Variants in CDH18 observed in about 807,000 individuals in gnomAD.
CDH18 encodes cadherin 18.
Under a neutral mutation model 67.9 loss-of-function variants are expected in CDH18, and 31 were observed. The ratio of observed to expected loss-of-function variants is 0.46; its 90% confidence interval spans 0.34 to 0.62. The LOEUF is 0.62. Among genes scored for constraint, CDH18 ranks in the 20% least tolerant of loss-of-function variants. The probability of loss-of-function intolerance (pLI) is 0.01; values close to 1 mark genes in which losing one functional copy is unlikely to be tolerated. For synonymous variants in CDH18, 362 were observed against 347.2 expected (o/e 1.04, Z -0.48); for missense variants, 890 against 975.5 (o/e 0.91, Z 1.17).
chr5:20,443,078 C>T (rs1749731356), intron 1 of CDH18, among the ~76,000 whole-genome samples: 2 of 149,022 alleles, frequency 1.3e-5, no homozygotes, highest in Admixed American at 6.6e-5. Context: ...GGCGTAGTGG[C>T]GGGCGCCTGT....
chr5:19,737,620 CT>C (rs1435583249), intron 4 of CDH18, among the ~76,000 whole-genome samples: 2 of 152,144 alleles, frequency 1.3e-5, no homozygotes, highest in African/African-American at 4.8e-5. Flanking sequence ...TTATGCCCCC[CT>C]ACCAATAAAA....
intron 6 of CDH18, among the ~76,000 whole-genome samples, chr5:19,594,230 C>A (rs756985004): frequency 1.4e-4 from 22 of 152,108 alleles, no homozygotes; most frequent in Non-Finnish European, 2.9e-4. Context: ...TGGCTCACTG[C>A]AAGCTCTGCC....
intron 2 of CDH18, among the ~76,000 whole-genome samples, chr5:19,962,389 A>AAAAAAAG (rs977333517): frequency 2.1e-5 from 3 of 145,808 alleles, no homozygotes; most frequent in African/African-American, 7.7e-5. Context: ...AAAAAAAAAA[A>AAAAAAAG]AAAAAAAGAA....
chr5:19,743,741 C>T (rs542668410), intron 4 of CDH18, among the ~76,000 whole-genome samples: 1 of 152,030 alleles, frequency 6.6e-6, no homozygotes, highest in East Asian at 1.9e-4. Context: ...GCCAACATGG[C>T]AAGACCCCGT....
chr5:19,485,491 A>C (rs1740243899), intron 11 of CDH18, among the ~76,000 whole-genome samples: 1 of 151,998 alleles, frequency 6.6e-6, no homozygotes, highest in Non-Finnish European at 1.5e-5. Flanking sequence ...TCCTGACCTC[A>C]CGATCCACCC....
At chr5:20,132,452 T>C (rs1017283597) in intron 2 of CDH18, among the ~76,000 whole-genome samples, 3 of 152,212 alleles carry the variant, frequency 2.0e-5, no homozygotes, top group African/African-American at 7.2e-5. Flanking sequence ...AATGCACTAC[T>C]ATTAACTACA....
chr5:20,119,510 C>A (rs2126405002), intron 2 of CDH18, among the ~76,000 whole-genome samples: 1 of 152,176 alleles, frequency 6.6e-6, no homozygotes, highest in East Asian at 1.9e-4. Flanking sequence ...TTCAAGGCTC[C>A]AGATAAATTA....
At chr5:19,631,926 G>C (rs974105878) in intron 5 of CDH18, among the ~76,000 whole-genome samples, 1 of 151,282 alleles carries the variant, frequency 6.6e-6, no homozygotes, top group Non-Finnish European at 1.5e-5. Flanking sequence ...GATTTATTTC[G>C]GTCATACAGT....
At chr5:19,714,909 A>G (rs1765161523) in intron 5 of CDH18, among the ~76,000 whole-genome samples, 1 of 152,128 alleles carries the variant, frequency 6.6e-6, no homozygotes, top group East Asian at 1.9e-4. Context: ...TATTATCAAT[A>G]GGAATGGGTT....
At chr5:20,003,059 T>C (rs764249618) in intron 2 of CDH18, among the ~76,000 whole-genome samples, 8 of 152,208 alleles carry the variant, frequency 5.3e-5, no homozygotes, top group Admixed American at 3.3e-4. Context: ...TTCAATCATT[T>C]TAGAACATTA....
At chr5:19,714,412 C>T (rs1322453407) in intron 5 of CDH18, among the ~76,000 whole-genome samples, 2 of 152,054 alleles carry the variant, frequency 1.3e-5, no homozygotes, top group Non-Finnish European at 2.9e-5. Context: ...TTCTTAAATG[C>T]TATCTACAGC....
At chr5:19,651,771 T>C (rs758845275) in intron 5 of CDH18, among the ~76,000 whole-genome samples, 8 of 152,092 alleles carry the variant, frequency 5.3e-5, no homozygotes, top group Non-Finnish European at 1.2e-4. Flanking sequence ...AAAACAATAA[T>C]TATCAGTCTA....
chr5:19,609,212 C>T (rs911843495), intron 6 of CDH18, among the ~76,000 whole-genome samples: 17 of 151,854 alleles, frequency 1.1e-4, no homozygotes, highest in Admixed American at 4.6e-4. Context: ...AAGTACACAT[C>T]GTTTGTGTAC....
At chr5:20,248,209 CT>C (rs1743534118) in intron 2 of CDH18, among the ~76,000 whole-genome samples, 1 of 152,130 alleles carries the variant, frequency 6.6e-6, no homozygotes, top group African/African-American at 2.4e-5. Flanking sequence ...CTGACTGGAT[CT>C]GGGTTATTTC....
intron 1 of CDH18, among the ~76,000 whole-genome samples, chr5:20,418,241 A>AATTTTTTTT (rs1747498899): frequency 4.1e-5 from 1 of 24,344 alleles, no homozygotes; most frequent in African/African-American, 2.2e-4. Context: ...ACTGCTGGCT[A>AATTTTTTTT]ATTTTTTTTT....
chr5:20,254,773 C>G (rs1471237464), intron 2 of CDH18, among the ~76,000 whole-genome samples: 1 of 152,014 alleles, frequency 6.6e-6, no homozygotes, highest in Non-Finnish European at 1.5e-5. Flanking sequence ...TGTATATACC[C>G]AAAGGAAAAT....
chr5:20,367,235 G>C (rs1742591720), intron 1 of CDH18, among the ~76,000 whole-genome samples: 1 of 152,142 alleles, frequency 6.6e-6, no homozygotes, highest in Non-Finnish European at 1.5e-5. Context: ...CCCAGGAAAA[G>C]TGTAGGCCTT....
chr5:19,917,085 T>C (rs553607992), intron 2 of CDH18, among the ~76,000 whole-genome samples: 1 of 152,368 alleles, frequency 6.6e-6, no homozygotes, highest in South Asian at 2.1e-4. Context: ...GTCTAAATAT[T>C]AACTTCATTT....
chr5:20,514,232 A>G (rs182447874), intron 1 of CDH18, among the ~76,000 whole-genome samples: 1 of 152,098 alleles, frequency 6.6e-6, no homozygotes, highest in Admixed American at 6.6e-5. Flanking sequence ...ATGTTTGACC[A>G]ATGTATTTCT....
Sources: allele counts gnomAD v4.1 joint callset (sites outside exome capture counted in the v4.1 genomes callset), GRCh38; gene constraint gnomAD v4.1.1; transcripts MANE v1.5; gene names NCBI Gene and HGNC (gene_info 2026-07-23, HGNC 2026-07-21).